LRMDA: variants seen among roughly 807,000 people sequenced by gnomAD.
The protein encoded by LRMDA is leucine rich melanocyte differentiation associated.
In LRMDA, 18 loss-of-function variants were observed where a neutral mutation model predicts 29.8. That is an observed-to-expected ratio of 0.60 (90% CI 0.42 to 0.90). The LOEUF is 0.90. LRMDA is among the 40% of genes least tolerant of loss of function. LRMDA has a pLI of 0.00. For missense variants in LRMDA, 273 were observed against 273.9 expected (o/e 1.00, Z 0.02); for synonymous variants, 125 against 109.4 (o/e 1.14, Z -0.89).
intron 2 of LRMDA, among the ~76,000 whole-genome samples, chr10:75,468,892 T>A (rs1281797755): frequency 2.0e-5 from 3 of 152,038 alleles, no homozygotes; most frequent in African/African-American, 7.2e-5. Context: ...TGTTTAAAAG[T>A]GCTCGCTATA....
intron 2 of LRMDA, among the ~76,000 whole-genome samples, chr10:75,975,003 A>G (rs2132442852): frequency 6.6e-6 from 1 of 152,362 alleles, no homozygotes; most frequent in African/African-American, 2.4e-5. Flanking sequence ...AGTATGTACA[A>G]GCTATGACAG....
rs562633772 is a variant in LRMDA, at chr10:75,669,359, G to A, written c.131+230865G>A. On this transcript the variant is annotated intron_variant, in intron 2 of 6. Coordinates refer to ENST00000611255, the MANE Select transcript of LRMDA (RefSeq NM_001305581.2). ...GGAATGGGATTGTGAGAGTCCCCTT[G>A]ATGAAGCCTGTTTTAATCCTTTAAC... Among the ~76,000 whole-genome samples, 22 of 152,274 alleles carry A rather than the reference G, an allele frequency of 1.4e-4. No homozygotes were observed. In the South Asian group the frequency reaches 4.6e-3, roughly 32 times the overall value.
At chr10:75,984,478 T>C (rs1392567642) in intron 2 of LRMDA, among the ~76,000 whole-genome samples, 1 of 152,248 alleles carries the variant, frequency 6.6e-6, no homozygotes, top group African/African-American at 2.4e-5. Context: ...AGCAGCCATG[T>C]GGCTGGTCAC....
chr10:75,750,048 A>G (rs1842936073), intron 2 of LRMDA, among the ~76,000 whole-genome samples: 1 of 152,230 alleles, frequency 6.6e-6, no homozygotes, highest in Admixed American at 6.5e-5. Context: ...ACACTGTAAC[A>G]ATCTGATTTC....
chr10:75,771,818 G>T (rs1362118132), intron 2 of LRMDA, among the ~76,000 whole-genome samples: 2 of 152,130 alleles, frequency 1.3e-5, no homozygotes, highest in Non-Finnish European at 1.5e-5. Flanking sequence ...GAATCACCAG[G>T]TGTGGGAAAG....
intron 2 of LRMDA, chr10:75,552,510 A>T: frequency 2.1e-6 from 1 of 478,454 alleles, no homozygotes. Context: ...CATCCACCCC[A>T]TCATAGTAAA....
chr10:76,252,935 C>G (rs755608177), intron 5 of LRMDA, among the ~76,000 whole-genome samples: 1 of 152,188 alleles, frequency 6.6e-6, no homozygotes, highest in Admixed American at 6.5e-5. Context: ...ACTCGTGGAA[C>G]CTGAGGATTG....
intron 2 of LRMDA, among the ~76,000 whole-genome samples, chr10:75,461,890 G>A (rs993884396): frequency 3.9e-5 from 6 of 152,200 alleles, no homozygotes; most frequent in East Asian, 1.9e-4. Flanking sequence ...ATGAGGTGGC[G>A]GCCAGGCTAG....
At chr10:75,534,824 T>C (rs1319124748) in intron 2 of LRMDA, among the ~76,000 whole-genome samples, 1 of 152,214 alleles carries the variant, frequency 6.6e-6, no homozygotes, top group African/African-American at 2.4e-5. Context: ...TGATGTTTCT[T>C]TCTTCCTCCC....
intron 6 of LRMDA, among the ~76,000 whole-genome samples, chr10:76,360,876 A>C (rs1841302893): frequency 6.6e-6 from 1 of 152,218 alleles, no homozygotes; most frequent in Admixed American, 6.5e-5. Context: ...GGTCAGACCA[A>C]ATTTCTTATT....
intron 5 of LRMDA, among the ~76,000 whole-genome samples, chr10:76,235,334 A>T (rs1459483153): frequency 6.6e-6 from 1 of 152,190 alleles, no homozygotes; most frequent in African/African-American, 2.4e-5. Flanking sequence ...ACAGATCACC[A>T]TAACAGATAT....
intron 5 of LRMDA, among the ~76,000 whole-genome samples, chr10:76,279,155 A>G (rs978435159): frequency 1.3e-5 from 2 of 152,234 alleles, no homozygotes; most frequent in African/African-American, 4.8e-5. Flanking sequence ...TGCTGACCAA[A>G]TACAGTAACA....
At chr10:75,604,527 G>A (rs962919798) in intron 2 of LRMDA, among the ~76,000 whole-genome samples, 1 of 152,204 alleles carries the variant, frequency 6.6e-6, no homozygotes, top group Non-Finnish European at 1.5e-5. Flanking sequence ...ATCCTTGAAT[G>A]AGTCCTGGGG....
intron 2 of LRMDA, among the ~76,000 whole-genome samples, chr10:75,823,359 T>C (rs1294188304): frequency 6.6e-6 from 1 of 152,068 alleles, no homozygotes; most frequent in Admixed American, 6.6e-5. Context: ...TGAAAAACTG[T>C]TCCCTATCAC....
At chr10:76,182,199 G>A (rs1458810389) in intron 5 of LRMDA, among the ~76,000 whole-genome samples, 1 of 152,152 alleles carries the variant, frequency 6.6e-6, no homozygotes, top group Non-Finnish European at 1.5e-5. Flanking sequence ...GGAAGGCAAA[G>A]GGAAGCAAGG....
chr10:75,519,810 GC>G (rs1845335105), intron 2 of LRMDA, among the ~76,000 whole-genome samples: 1 of 152,186 alleles, frequency 6.6e-6, no homozygotes, highest in Non-Finnish European at 1.5e-5. Flanking sequence ...TTTTGCAGTG[GC>G]TGGTACCGGT....
intron 5 of LRMDA, among the ~76,000 whole-genome samples, chr10:76,297,102 G>A (rs998654798): frequency 4.6e-5 from 7 of 152,184 alleles, no homozygotes; most frequent in Admixed American, 6.5e-5. Context: ...TAAATGATCC[G>A]CAGATACCTT....
At chr10:75,693,239 GAA>G (rs953977440) in intron 2 of LRMDA, among the ~76,000 whole-genome samples, 9 of 152,092 alleles carry the variant, frequency 5.9e-5, no homozygotes, top group African/African-American at 2.2e-4. Flanking sequence ...GTGAGGGAGA[GAA>G]AAAAGTACCA....
intron 5 of LRMDA, among the ~76,000 whole-genome samples, chr10:76,146,450 CTTCT>C (rs1467838724): frequency 1.3e-5 from 2 of 151,212 alleles, no homozygotes; most frequent in African/African-American, 2.4e-5. Context: ...ATGTAATGGC[CTTCT>C]TTGTCTCTTT....
Sources: allele counts gnomAD v4.1 joint callset (sites outside exome capture counted in the v4.1 genomes callset), GRCh38; gene constraint gnomAD v4.1.1; transcripts MANE v1.5; gene names NCBI Gene and HGNC (gene_info 2026-07-23, HGNC 2026-07-21).